The following NAALADL2 variants were observed in gnomAD, a reference collection of about 807,000 sequenced individuals.
NAALADL2 encodes the protein N-acetylated alpha-linked acidic dipeptidase like 2.
In NAALADL2, 76 loss-of-function variants were observed where a neutral mutation model predicts 87.2. The ratio of observed to expected loss-of-function variants is 0.87; its 90% CI spans 0.72 to 1.05. NAALADL2 has a LOEUF of 1.05. NAALADL2 is among the 50% of genes least tolerant of loss of function. The pLI is 0.00. For synonymous variants in NAALADL2, 354 were observed against 331.0 expected (o/e 1.07, Z -0.75); for missense variants, 1,089 against 945.8 (o/e 1.15, Z -1.99).
At chr3:175,337,606 A>G (rs919313720) in intron 5 of NAALADL2, among the ~76,000 whole-genome samples, 6 of 152,166 alleles carry the variant, frequency 3.9e-5, no homozygotes, top group Non-Finnish European at 7.3e-5. Context: ...CAATACCTTC[A>G]TCTTGAACTT....
intron 2 of NAALADL2, among the ~76,000 whole-genome samples, chr3:174,735,425 T>C (rs556493352): frequency 6.6e-6 from 1 of 152,196 alleles, no homozygotes; most frequent in Non-Finnish European, 1.5e-5. Context: ...TCCAAGACCA[T>C]ACAGGTATGA....
In NAALADL2 at chr3:174,941,835, C is replaced by G. The variant is rs549998493; in HGVS notation, c.43+82385C>G. ...TAGGATTGCAACCCTCTGCTTTTTTCTGTTTTCCATTTGCATGGTGGATTT... is the reference window on the plus strand; with the variant it reads ...TAGGATTGCAACCCTCTGCTTTTTTGTGTTTTCCATTTGCATGGTGGATTT... On this transcript the variant is annotated intron_variant, in intron 1 of 13. Coordinates refer to ENST00000454872, the MANE Select transcript of NAALADL2 (RefSeq NM_207015.3). 1.8e-4 allele frequency among the ~76,000 whole-genome samples: 28 copies of G among 151,572 alleles called. No homozygotes were observed. The East Asian group carries it at 5.3e-3, about 28-fold the overall frequency.
intron 1 of NAALADL2, among the ~76,000 whole-genome samples, chr3:174,928,885 A>T (rs971485664): frequency 1.6e-4 from 25 of 152,200 alleles, no homozygotes; most frequent in Admixed American, 6.5e-4. Flanking sequence ...TGACTCATTG[A>T]TTATTTCACA....
intron 3 of NAALADL2, among the ~76,000 whole-genome samples, chr3:175,246,874 C>G (rs981019485): frequency 6.6e-6 from 1 of 152,010 alleles, no homozygotes; most frequent in Admixed American, 6.6e-5. Flanking sequence ...TATGACTATC[C>G]TAAGAGTCTC....
upstream of NAALADL2, among the ~76,000 whole-genome samples, chr3:174,855,775 TACACACACACACACACAC>T (rs10576439): frequency 4.6e-4 from 63 of 135,650 alleles, no homozygotes; most frequent in Non-Finnish European, 4.2e-4. Flanking sequence ...AGGAGAGAAA[TACACACACACACACACAC>T]ACACACACAC....
At chr3:175,753,378 T>C (rs1746853188) in intron 12 of NAALADL2, among the ~76,000 whole-genome samples, 1 of 152,138 alleles carries the variant, frequency 6.6e-6, no homozygotes, top group African/African-American at 2.4e-5. Flanking sequence ...ATAATTTTAT[T>C]TGTTATCAGA....
intron 13 of NAALADL2, among the ~76,000 whole-genome samples, chr3:175,800,703 C>T (rs953486453): frequency 6.6e-6 from 1 of 152,028 alleles, no homozygotes; most frequent in African/African-American, 2.4e-5. Flanking sequence ...CTACTGAGTT[C>T]CCAGCACTGA....
chr3:174,923,080 G>C (rs901826883), intron 1 of NAALADL2, among the ~76,000 whole-genome samples: 4 of 152,174 alleles, frequency 2.6e-5, no homozygotes, highest in African/African-American at 7.2e-5. Flanking sequence ...CCTTGGGAAA[G>C]TGGTTGATTC....
chr3:175,686,153 T>C (rs1736266060), intron 11 of NAALADL2, among the ~76,000 whole-genome samples: 1 of 152,204 alleles, frequency 6.6e-6, no homozygotes, highest in Non-Finnish European at 1.5e-5. Flanking sequence ...TTTCAGCTGT[T>C]GTTATTCTGT....
intron 1 of NAALADL2, among the ~76,000 whole-genome samples, chr3:174,470,147 C>T (rs1716808920): frequency 6.6e-6 from 1 of 152,106 alleles, no homozygotes; most frequent in Non-Finnish European, 1.5e-5. Flanking sequence ...TTCTCCACAA[C>T]CTTGCCAGCA....
intron 1 of NAALADL2, among the ~76,000 whole-genome samples, chr3:174,866,144 A>T (rs1224896969): frequency 1.3e-5 from 2 of 151,902 alleles, no homozygotes; most frequent in Non-Finnish European, 2.9e-5. Flanking sequence ...AGATGCATGG[A>T]TTTCTTGATA....
intron 1 of NAALADL2, among the ~76,000 whole-genome samples, chr3:174,890,770 A>G (rs1279888853): frequency 6.6e-6 from 1 of 152,142 alleles, no homozygotes; most frequent in East Asian, 1.9e-4. Flanking sequence ...GTATGTGGTC[A>G]AACTCCTGCT....
intron 3 of NAALADL2, among the ~76,000 whole-genome samples, chr3:174,756,305 A>G (rs1009103849): frequency 6.6e-6 from 1 of 152,186 alleles, no homozygotes; most frequent in African/African-American, 2.4e-5. Context: ...GTATTCAGTA[A>G]TGTTCTGTCT....
intron 11 of NAALADL2, among the ~76,000 whole-genome samples, chr3:175,670,510 T>TG (rs1328853353): frequency 3.6e-5 from 3 of 83,354 alleles, no homozygotes; most frequent in African/African-American, 1.9e-4. Context: ...ATATTTATAT[T>TG]AAATTTATAT....
At chr3:175,669,860 T>A (rs1733697739) in intron 11 of NAALADL2, among the ~76,000 whole-genome samples, 1 of 152,058 alleles carries the variant, frequency 6.6e-6, no homozygotes, top group African/African-American at 2.4e-5. Flanking sequence ...AAATAGTATT[T>A]CATAAGTGAC....
chr3:174,540,549 A>C (rs963606582), intron 1 of NAALADL2, among the ~76,000 whole-genome samples: 3 of 152,232 alleles, frequency 2.0e-5, no homozygotes, highest in Non-Finnish European at 2.9e-5. Context: ...TATGAAGGCT[A>C]TAACAGTCAA....
At chr3:174,685,954 A>G (rs970139187) in intron 2 of NAALADL2, among the ~76,000 whole-genome samples, 1 of 151,924 alleles carries the variant, frequency 6.6e-6, no homozygotes. Context: ...TGCTAAAGAT[A>G]ATGGCCTCTA....
intron 11 of NAALADL2, among the ~76,000 whole-genome samples, chr3:175,736,220 G>A (rs769498310): frequency 1.6e-4 from 25 of 152,136 alleles, no homozygotes; most frequent in Non-Finnish European, 1.2e-4. Context: ...ACAGTTTTGG[G>A]GTGGGGTCAT....
chr3:175,174,885 C>T (rs1025809346), intron 2 of NAALADL2, among the ~76,000 whole-genome samples: 3 of 151,718 alleles, frequency 2.0e-5, no homozygotes, highest in Non-Finnish European at 2.9e-5. Flanking sequence ...AATAGAACTG[C>T]AAACAGAGAA....
Sources: gnomAD v4.1 joint callset for allele counts (sites outside exome capture counted in the v4.1 genomes callset) on GRCh38, gnomAD v4.1.1 for gene constraint, MANE v1.5 for transcripts, NCBI Gene and HGNC (gene_info 2026-07-23, HGNC 2026-07-21) for gene names.